The following ABCG2 variants were observed in gnomAD, a reference collection of about 807,000 sequenced individuals.
The protein encoded by ABCG2 is ATP binding cassette subfamily G member 2 (JR blood group).
ABCG2 carries 80 observed loss-of-function variants against 73.5 expected under a neutral mutation model. The observed-to-expected ratio is 1.09, with a 90% CI of 0.91 to 1.31. The LOEUF (loss-of-function observed/expected upper bound fraction) is 1.31, where lower values mean the gene tolerates loss of function less well. Among genes scored for constraint, ABCG2 ranks in the 50% most tolerant of loss-of-function variants. ABCG2 has a pLI of 0.00. For missense variants in ABCG2, 796 were observed against 786.2 expected (o/e 1.01, Z -0.15); for synonymous variants, 269 against 282.4 (o/e 0.95, Z 0.48).
intron 13 of ABCG2, among the ~76,000 whole-genome samples, chr4:88,096,007 C>A (rs1249633131): frequency 6.6e-6 from 1 of 152,134 alleles, no homozygotes; most frequent in Non-Finnish European, 1.5e-5. Context: ...AGAATCTATA[C>A]CAGATAAATC....
chr4:88,148,529 A>G (rs984463920), intron 1 of ABCG2, among the ~76,000 whole-genome samples: 1 of 152,152 alleles, frequency 6.6e-6, no homozygotes, highest in Non-Finnish European at 1.5e-5. Flanking sequence ...CCCTGACTGC[A>G]AGGTCCCAGC....
intron 5 of ABCG2, among the ~76,000 whole-genome samples, chr4:88,127,840 A>T (rs1053623361): frequency 6.6e-6 from 1 of 152,092 alleles, no homozygotes; most frequent in Non-Finnish European, 1.5e-5. Context: ...ACCCTTCAGG[A>T]CATAGGCATG....
upstream of ABCG2, among the ~76,000 whole-genome samples, chr4:88,162,060 A>G (rs1026262505): frequency 6.6e-6 from 1 of 152,050 alleles, no homozygotes; most frequent in Non-Finnish European, 1.5e-5. Context: ...AATTTTTTAA[A>G]AATTAGCTGG....
At chr4:88,214,607 C>G (rs1041602996) in intron 1 of ABCG2, among the ~76,000 whole-genome samples, 2 of 152,066 alleles carry the variant, frequency 1.3e-5, no homozygotes, top group African/African-American at 4.8e-5. Context: ...TGCCTGTAAT[C>G]CTGGCACTTC....
chr4:88,185,438 C>T (rs997391913), intron 1 of ABCG2, among the ~76,000 whole-genome samples: 2 of 152,106 alleles, frequency 1.3e-5, no homozygotes, highest in East Asian at 1.9e-4. Context: ...TGGAACTGGA[C>T]AACAGTTTTT....
chr4:88,193,256 A>G (rs930081191), intron 1 of ABCG2, among the ~76,000 whole-genome samples: 2 of 152,094 alleles, frequency 1.3e-5, no homozygotes, highest in Non-Finnish European at 2.9e-5. Flanking sequence ...ATAAAATTAT[A>G]AGATGAACAA....
At chr4:88,148,050 C>T (rs959250258) in intron 1 of ABCG2, among the ~76,000 whole-genome samples, 3 of 152,122 alleles carry the variant, frequency 2.0e-5, no homozygotes, top group South Asian at 2.1e-4. Flanking sequence ...ACAAGACCTG[C>T]GAGGTGGGAG....
At chr4:88,226,161 C>T (rs1330360596) in intron 1 of ABCG2, among the ~76,000 whole-genome samples, 2 of 152,206 alleles carry the variant, frequency 1.3e-5, no homozygotes, top group Non-Finnish European at 2.9e-5. Flanking sequence ...TTTCTGCCTC[C>T]AGCCTCACTT....
chr4:88,130,584 G>C (rs1724781885), intron 5 of ABCG2, among the ~76,000 whole-genome samples: 1 of 152,048 alleles, frequency 6.6e-6, no homozygotes, highest in African/African-American at 2.4e-5. Flanking sequence ...CATAAAACTG[G>C]TCCCTGGTGG....
chr4:88,109,558 G>C (rs958361035), intron 9 of ABCG2, among the ~76,000 whole-genome samples: 3 of 152,216 alleles, frequency 2.0e-5, no homozygotes, highest in Admixed American at 6.5e-5. Flanking sequence ...AGTGCACAAT[G>C]GAGTGCACAG....
intron 1 of ABCG2, among the ~76,000 whole-genome samples, chr4:88,192,560 T>C (rs1298841744): frequency 1.3e-5 from 2 of 148,522 alleles, no homozygotes; most frequent in Admixed American, 6.7e-5. Flanking sequence ...GCTGGAATTA[T>C]AGGCGCCCAC....
intron 11 of ABCG2, 51 bp from the exon 12 acceptor site, chr4:88,099,499 C>A (rs765068162): frequency 2.6e-6 from 4 of 1,538,592 alleles, no homozygotes; most frequent in Middle Eastern, 2.0e-4. Context: ...TAAGAAGCCA[C>A]AGGGCAGGCT....
rs1352252778 is a variant in ABCG2, at chr4:88,115,011, T to C, written c.889A>G (p.Ile297Val). Residue 297 changes from isoleucine to valine, a missense_variant, in exon 8 of 16, where the codon ATC becomes GTC. By Grantham distance (29) the Ile-to-Val change is conservative. Transcript: ENST00000237612. The part of the protein sequence containing the change: ...YNNPADFFLD[I>V]INGDSTAVAL... ...ACAGCAGTGGAATCTCCATTAATGATGTCCAAGAAGAAGTCTGCAGGGTTA... is the reference window on the plus strand; with the variant it reads ...ACAGCAGTGGAATCTCCATTAATGACGTCCAAGAAGAAGTCTGCAGGGTTA... 5 of 1,613,390 alleles carry C rather than the reference T, an allele frequency of 3.1e-6. No individual in the cohort carries two copies. The Admixed American group carries it at 6.7e-5, about 22-fold the overall frequency.
intron 1 of ABCG2, among the ~76,000 whole-genome samples, chr4:88,157,871 G>A (rs773853884): frequency 6.6e-6 from 1 of 152,218 alleles, no homozygotes; most frequent in Non-Finnish European, 1.5e-5. Context: ...TGAGAAGGGA[G>A]TAAGAGCACT....
At chr4:88,099,597 C>T (rs897687380) in intron 11 of ABCG2, 149 bp from the exon 12 acceptor site, 6 of 678,860 alleles carry the variant, frequency 8.8e-6, no homozygotes, top group Non-Finnish European at 1.4e-5. Context: ...CTATGCATGC[C>T]CATGAATACC....
chr4:88,142,594 G>A (rs1474703522), intron 1 of ABCG2, among the ~76,000 whole-genome samples: 1 of 152,158 alleles, frequency 6.6e-6, no homozygotes, highest in Non-Finnish European at 1.5e-5. Context: ...CACAAGTACA[G>A]TCAGCAGCCC....
chr4:88,115,815 G>A (rs746358136), intron 7 of ABCG2, among the ~76,000 whole-genome samples: 6 of 151,990 alleles, frequency 3.9e-5, no homozygotes, highest in Non-Finnish European at 8.8e-5. Context: ...CAAAAGCCCA[G>A]GTGTGTTCTG....
At chr4:88,128,175 T>C (rs536690150) in intron 5 of ABCG2, among the ~76,000 whole-genome samples, 1 of 152,312 alleles carries the variant, frequency 6.6e-6, no homozygotes, top group South Asian at 2.1e-4. Flanking sequence ...GAAAAAAACT[T>C]CATCATCACT....
chr4:88,131,311 T>A, intron 4 of ABCG2, 98 bp from the exon 5 acceptor site: 1 of 1,287,196 alleles, frequency 7.8e-7, no homozygotes, highest in Non-Finnish European at 1.1e-6. Flanking sequence ...AAAGATAACA[T>A]AACTAAGGTA....
Sources: allele counts gnomAD v4.1 joint callset (sites outside exome capture counted in the v4.1 genomes callset), GRCh38; gene constraint gnomAD v4.1.1; transcripts MANE v1.5; gene names NCBI Gene and HGNC (gene_info 2026-07-23, HGNC 2026-07-21).